TEX14: variants seen among roughly 807,000 people sequenced by gnomAD.
TEX14 encodes the protein testis expressed 14, intercellular bridge forming factor, also known as inactive serine/threonine-protein kinase TEX14.
Under a neutral mutation model 178.6 loss-of-function variants are expected in TEX14, and 168 were observed. The ratio of observed to expected loss-of-function variants is 0.94; its 90% confidence interval spans 0.83 to 1.07. TEX14 has a LOEUF of 1.07. TEX14 is among the 50% of genes least tolerant of loss of function. The pLI, the probability that TEX14 is intolerant of heterozygous loss-of-function variation, is 0.00. For missense variants in TEX14, 1,730 were observed against 1,753.6 expected, an observed-to-expected ratio of 0.99 and a Z score of 0.24; for synonymous variants, 626 against 634.1, an observed-to-expected ratio of 0.99 and a Z score of 0.19.
chr17:58,624,341 C>CTTTTTTTTTTT (rs34422419), intron 3 of TEX14, among the ~76,000 whole-genome samples: 1 of 128,624 alleles, frequency 7.8e-6, no homozygotes, highest in Non-Finnish European at 1.7e-5. Context: ...CTTTTCTTTT[C>CTTTTTTTTTTT]TTTTTTTTTT....
At chr17:58,631,002 T>C (rs1029600846) in intron 2 of TEX14, 1 of 178,852 alleles carries the variant, frequency 5.6e-6, no homozygotes, top group Admixed American at 6.6e-5. Flanking sequence ...CAATTTCCAG[T>C]ACTATCAAAC....
At chr17:58,578,076 G>C (rs2044722615) in intron 20 of TEX14, among the ~76,000 whole-genome samples, 1 of 152,102 alleles carries the variant, frequency 6.6e-6, no homozygotes, top group South Asian at 2.1e-4. Context: ...ATAAAGAAGG[G>C]GGCAGATGGA....
At chr17:58,580,736 A>C (rs1313301706) in intron 19 of TEX14, among the ~76,000 whole-genome samples, 1 of 152,222 alleles carries the variant, frequency 6.6e-6, no homozygotes, top group Non-Finnish European at 1.5e-5. Flanking sequence ...TAGGGTGGAA[A>C]ATAAGTAAAT....
intron 10 of TEX14, among the ~76,000 whole-genome samples, chr17:58,610,569 G>A (rs2045719733): frequency 6.6e-6 from 1 of 152,198 alleles, no homozygotes; most frequent in African/African-American, 2.4e-5. Context: ...ATGTGAGCGA[G>A]AAATACACCT....
chr17:58,651,482 A>G (rs1036342593), intron 2 of TEX14, among the ~76,000 whole-genome samples: 2 of 152,184 alleles, frequency 1.3e-5, no homozygotes, highest in African/African-American at 4.8e-5. Context: ...CCAAGTGGAA[A>G]TAAGGAGCAA....
intron 28 of TEX14, among the ~76,000 whole-genome samples, chr17:58,562,256 A>G (rs1284248547): frequency 6.6e-6 from 1 of 152,210 alleles, no homozygotes; most frequent in African/African-American, 2.4e-5. Flanking sequence ...AGAACTATAC[A>G]TGCTTTCCTA....
In TEX14 at chr17:58,631,570, C is replaced by T. The variant is rs558847328; in HGVS notation, c.137-1016G>A. ...CTCTCAAAACACACATCTGGCATAA[C>T]CTTATACTCAAAAATTAAAAACATG... is the stretch of plus-strand genomic sequence containing the variant. On this transcript the variant is annotated intron_variant, in intron 2 of 31. Coordinates refer to ENST00000349033, the MANE Select transcript of TEX14 (RefSeq NM_031272.5). 5 of 152,016 alleles carry T rather than the reference C, an allele frequency of 3.3e-5. No individual in the cohort carries two copies. In the East Asian group the frequency reaches 7.7e-4, roughly 24 times the overall value. The allele number at this position is 152,016 out of a possible 1,614,324, so 9.4% of individuals were successfully genotyped here. A position where few individuals can be genotyped will look rare whatever the true frequency, so the allele number is the denominator to read the frequency against.
At chr17:58,662,513 A>T (rs886375833) in intron 1 of TEX14, among the ~76,000 whole-genome samples, 1 of 152,054 alleles carries the variant, frequency 6.6e-6, no homozygotes, top group African/African-American at 2.4e-5. Context: ...ATAAGTTGAG[A>T]TGGAGAAACA....
At chr17:58,689,771 T>C (rs536107294) in intron 1 of TEX14, among the ~76,000 whole-genome samples, 3 of 152,162 alleles carry the variant, frequency 2.0e-5, no homozygotes, top group East Asian at 1.9e-4. Context: ...TTTGAAAGCA[T>C]GACTACAGAG....
intron 1 of TEX14, among the ~76,000 whole-genome samples, chr17:58,652,251 AT>A (rs1206856892): frequency 6.6e-6 from 1 of 152,138 alleles, no homozygotes; most frequent in Non-Finnish European, 1.5e-5. Context: ...ATTTGAATAT[AT>A]TTGATATGGT....
intron 4 of TEX14, among the ~76,000 whole-genome samples, chr17:58,622,222 G>C (rs1207457385): frequency 6.6e-6 from 1 of 152,138 alleles, no homozygotes; most frequent in Non-Finnish European, 1.5e-5. Flanking sequence ...CAAGGTGGGC[G>C]AATCACCTGA....
intron 2 of TEX14, among the ~76,000 whole-genome samples, chr17:58,648,786 CTTTTTTTTTTTTTTTTT>C (rs34918333): frequency 1.1e-5 from 1 of 89,726 alleles, no homozygotes; most frequent in South Asian, 3.8e-4. Context: ...CTTTTTTTTT[CTTTTTTTTTTTTTTTTT>C]TTTTGAGACA....
chr17:58,609,503 A>T (rs908483470), intron 10 of TEX14, among the ~76,000 whole-genome samples: 1 of 152,196 alleles, frequency 6.6e-6, no homozygotes, highest in Non-Finnish European at 1.5e-5. Context: ...TCAGCTTCCT[A>T]AAGTGCTGGA....
intron 1 of TEX14, among the ~76,000 whole-genome samples, chr17:58,656,853 G>A (rs1237028528): frequency 6.7e-6 from 1 of 148,312 alleles, no homozygotes. Context: ...AACCTGGGAG[G>A]TGGAGGTTGC....
In TEX14 at chr17:58,630,491, C is replaced by A. The variant is rs767248724; in HGVS notation, c.200G>T (p.Gly67Val). The change falls in exon 3 of 32, where the codon GGC becomes GTC. Residue 67 changes from glycine to valine, a missense_variant. Gly to Val is a moderately radical substitution (Grantham distance 109, BLOSUM62 -3). Transcript: ENST00000349033. Reference protein sequence around the residue: ...QTALFVAALLGLRKFVDVLVD... With the variant: ...QTALFVAALLVLRKFVDVLVD... ...CAGAACATCAACGAATTTCCTAAGGCCCAATAACGCCGCAACAAAAAGTGC... is the reference window on the plus strand; with the variant it reads ...CAGAACATCAACGAATTTCCTAAGGACCAATAACGCCGCAACAAAAAGTGC... 3.1e-6 allele frequency: 5 copies of A among 1,613,952 alleles called. No individual in the cohort carries two copies. Among genetic ancestry groups the A allele is most frequent in the African/African-American group, 2.7e-5 (2 of 74,902 alleles).
rs868697075 is a variant in TEX14 at position 58,586,037 on chromosome 17, G to A, written c.2834C>T (p.Thr945Ile). 5.6e-6 allele frequency: 9 copies of A among 1,614,090 alleles called. No individual in the cohort carries two copies. The highest frequency in any genetic ancestry group is 1.6e-4 in the Middle Eastern group (1 of 6,062). Residue 945 changes from threonine to isoleucine, a missense_variant, in exon 18 of 32, where the codon ACA becomes ATA. Around this residue, in one of 2 missense-constraint regions of TEX14, gnomAD observed 941 missense variants for 1,072.4 expected, o/e 0.88. Coordinates refer to ENST00000349033, the MANE Select transcript of TEX14 (RefSeq NM_031272.5). ...MAKKAATGQL[T>I]VPPWHPQSSL... is the part of the protein sequence containing the mutation. ...ACTCTGAGGATGCCAAGGAGGTACT[G>A]TGAGCTGTCCAGTAGCTGCTTTCTT...
chr17:58,592,337 CTT>C (rs750203217), intron 15 of TEX14, among the ~76,000 whole-genome samples: 20 of 136,942 alleles, frequency 1.5e-4, no homozygotes, highest in Non-Finnish European at 1.8e-4. Context: ...TCGAGTGATT[CTT>C]TTTTTTTTTT....
At chr17:58,637,014 G>A (rs1330875003) in intron 2 of TEX14, among the ~76,000 whole-genome samples, 1 of 152,110 alleles carries the variant, frequency 6.6e-6, no homozygotes, top group African/African-American at 2.4e-5. Flanking sequence ...ATCACTTGAG[G>A]TCAGCAGTTC....
At chr17:58,594,542 G>A (rs897881410) in intron 14 of TEX14, among the ~76,000 whole-genome samples, 4 of 151,416 alleles carry the variant, frequency 2.6e-5, no homozygotes, top group East Asian at 2.0e-4. Context: ...TAGTAGAGAC[G>A]TGGTTTCACC....
Sources: gnomAD v4.1 joint callset for allele counts (sites outside exome capture counted in the v4.1 genomes callset) on GRCh38, gnomAD v4.1.1 for gene constraint, gnomAD v4.1.1 regional missense constraint, MANE v1.5 for transcripts, NCBI Gene and HGNC (gene_info 2026-07-23, HGNC 2026-07-21) for gene names.